The following SEPTIN14 variants were observed in gnomAD, a reference collection of about 807,000 sequenced individuals.
SEPTIN14 encodes the protein septin-14.
SEPTIN14 carries 40 observed loss-of-function variants against 53.6 expected under a neutral mutation model. The ratio of observed to expected loss-of-function variants is 0.75; its 90% CI spans 0.58 to 0.97. The LOEUF (loss-of-function observed/expected upper bound fraction) is 0.97. Among genes scored for constraint, SEPTIN14 ranks in the 50% least tolerant of loss-of-function variants. The probability of loss-of-function intolerance (pLI) is 0.00; values close to 1 mark genes in which losing one functional copy is unlikely to be tolerated. For synonymous variants in SEPTIN14, 138 were observed against 166.8 expected (o/e 0.83, Z 1.33); for missense variants, 471 against 508.2 (o/e 0.93, Z 0.70).
chr7:55,809,428 T>G (rs1344158904), intron 7 of SEPTIN14, among the ~76,000 whole-genome samples: 1 of 149,720 alleles, frequency 6.7e-6, no homozygotes, highest in Non-Finnish European at 1.5e-5. Context: ...CGATCTCGGC[T>G]CACTGCAACC....
intron 7 of SEPTIN14, among the ~76,000 whole-genome samples, chr7:55,815,020 G>A (rs1398388222): frequency 6.6e-6 from 1 of 152,010 alleles, no homozygotes; most frequent in Non-Finnish European, 1.5e-5. Flanking sequence ...TTCAACAAAG[G>A]TGCCAAGCAC....
chr7:55,839,948 C>T (rs1289538403), intron 5 of SEPTIN14, among the ~76,000 whole-genome samples: 1 of 151,394 alleles, frequency 6.6e-6, no homozygotes, highest in Non-Finnish European at 1.5e-5. Context: ...AGTTCGAGAC[C>T]AGCCTGGCCA....
chr7:55,821,271 G>T (rs1392474436), intron 6 of SEPTIN14, among the ~76,000 whole-genome samples: 1 of 152,156 alleles, frequency 6.6e-6, no homozygotes, highest in Non-Finnish European at 1.5e-5. Context: ...GGCTCATTGT[G>T]TGGGGAAGTA....
chr7:55,805,086 T>C (rs749913217), intron 9 of SEPTIN14, among the ~76,000 whole-genome samples, 172 bp downstream of exon 9: 12 of 152,136 alleles, frequency 7.9e-5, no homozygotes, highest in Non-Finnish European at 1.6e-4. Flanking sequence ...GAAAAAACAC[T>C]ACAGACTATA....
intron 7 of SEPTIN14, chr7:55,811,098 A>G: frequency 2.1e-6 from 1 of 468,776 alleles, no homozygotes; most frequent in South Asian, 1.8e-5. Context: ...AGCAGATGTC[A>G]GGGGTGTTTG....
At chr7:55,825,330 G>A (rs1214425375) in intron 6 of SEPTIN14, among the ~76,000 whole-genome samples, 2 of 152,160 alleles carry the variant, frequency 1.3e-5, no homozygotes, top group Non-Finnish European at 2.9e-5. Flanking sequence ...AGTTGCCAAG[G>A]GTAAAGGGAA....
At chr7:55,809,963 G>A (rs181015213) in intron 7 of SEPTIN14, among the ~76,000 whole-genome samples, 1 of 151,414 alleles carries the variant, frequency 6.6e-6, no homozygotes, top group African/African-American at 2.4e-5. Context: ...CTCCCAAGTA[G>A]CTGGGACTAC....
Position 55,862,030 on chromosome 7 carries a change from A to T in SEPTIN14, c.-15-19T>A. ...AAAAGAGCTGGAAATTTAAAAAAAT[A>T]AACATTTTTAAAAATTTCTTACAAA... On this transcript the variant is annotated intron_variant, in intron 1 of 9. Transcript: ENST00000388975. The T allele has an allele frequency of 6.9e-7, 1 of 1,457,270 alleles. No homozygotes were observed. The highest frequency in any genetic ancestry group is 9.3e-7 in the Non-Finnish European group (1 of 1,078,774). The allele number at this position is 1,457,270 out of a possible 1,614,324, so 90.3% of individuals were successfully genotyped here.
At chr7:55,854,508 C>G (rs1255782431) in intron 2 of SEPTIN14, among the ~76,000 whole-genome samples, 1 of 152,012 alleles carries the variant, frequency 6.6e-6, no homozygotes, top group African/African-American at 2.4e-5. Context: ...CGGCTCACTG[C>G]AAGCTCCGCC....
chr7:55,844,907 A>C (rs1237092070), intron 3 of SEPTIN14, among the ~76,000 whole-genome samples, 189 bp from the exon 4 acceptor site: 1 of 108,506 alleles, frequency 9.2e-6, no homozygotes, highest in African/African-American at 5.1e-5. Context: ...AAAGGTACAA[A>C]GTTTCTTTTT....
intron 6 of SEPTIN14, among the ~76,000 whole-genome samples, chr7:55,819,916 T>C (rs1788863892): frequency 6.6e-6 from 1 of 152,112 alleles, no homozygotes; most frequent in Non-Finnish European, 1.5e-5. Flanking sequence ...GACAAAAATA[T>C]TAAAAACAAC....
chr7:55,801,497 G>C (rs1410904179), intron 9 of SEPTIN14, among the ~76,000 whole-genome samples: 1 of 152,114 alleles, frequency 6.6e-6, no homozygotes, highest in Non-Finnish European at 1.5e-5. Context: ...ACGAAGACTG[G>C]ATCATGAAGA....
At position 55,842,914 on chromosome 7, in the gene SEPTIN14, A is replaced by C. The variant is rs772215978; in HGVS notation, c.558+28T>G. The C allele has an allele frequency of 1.7e-5, 24 of 1,434,176 alleles. No individual in the cohort carries two copies. The Admixed American group carries it at 4.4e-4, about 26-fold the overall frequency. 88.8% of individuals were successfully genotyped at this position (1,434,176 alleles called of 1,614,324 possible). ...CAGAGGGAGACTCCGTCTCAAAAAA[A>C]AAAAGATGGTAGATTTACCAAACAT... On this transcript the variant is annotated intron_variant, in intron 5 of 9. Coordinates refer to ENST00000388975, the MANE Select transcript of SEPTIN14 (RefSeq NM_207366.3).
chr7:55,860,213 A>C (rs915937139), intron 2 of SEPTIN14, among the ~76,000 whole-genome samples: 38 of 152,286 alleles, frequency 2.5e-4, no homozygotes, highest in African/African-American at 7.9e-4. Flanking sequence ...GGCCACACAA[A>C]AAAATGAAAA....
intron 4 of SEPTIN14, among the ~76,000 whole-genome samples, chr7:55,843,938 C>G (rs1238157791): frequency 1.3e-5 from 2 of 152,054 alleles, no homozygotes. Flanking sequence ...AGTTTGACAC[C>G]AGCCTGGGCA....
intron 8 of SEPTIN14, among the ~76,000 whole-genome samples, chr7:55,806,253 G>A (rs1397067950): frequency 6.6e-6 from 1 of 151,794 alleles, no homozygotes; most frequent in Non-Finnish European, 1.5e-5. Flanking sequence ...TGCCTGTCTC[G>A]GTTTCCCAAA....
At chr7:55,832,982 C>T (rs1789136438) in intron 6 of SEPTIN14, among the ~76,000 whole-genome samples, 1 of 152,022 alleles carries the variant, frequency 6.6e-6, no homozygotes. Flanking sequence ...AAATAAAAAA[C>T]AAAGGAATTC....
At chr7:55,843,483 C>T (rs1231164731) in intron 4 of SEPTIN14, among the ~76,000 whole-genome samples, 1 of 152,148 alleles carries the variant, frequency 6.6e-6, no homozygotes, top group African/African-American at 2.4e-5. Flanking sequence ...CACCAAAATA[C>T]AAGGCAAAAC....
At chr7:55,833,053 G>T (rs151075637) in intron 6 of SEPTIN14, among the ~76,000 whole-genome samples, 1 of 151,832 alleles carries the variant, frequency 6.6e-6, no homozygotes, top group East Asian at 1.9e-4. Flanking sequence ...GGTGGCTCAC[G>T]CCTGTAATCC....
Sources: allele counts gnomAD v4.1 joint callset (sites outside exome capture counted in the v4.1 genomes callset), GRCh38; gene constraint gnomAD v4.1.1; transcripts MANE v1.5; gene names NCBI Gene and HGNC (gene_info 2026-07-23, HGNC 2026-07-21).